LRRK2: variants seen among roughly 807,000 people sequenced by gnomAD.
LRRK2 encodes leucine rich repeat kinase 2, also known as leucine-rich repeat serine/threonine-protein kinase 2.
LRRK2 carries 203 observed loss-of-function variants against 302.6 expected under a neutral mutation model. That is an observed-to-expected ratio of 0.67 (90% CI 0.60 to 0.75). LRRK2 has a LOEUF of 0.75. Ranked by LOEUF, LRRK2 falls within the 30% of genes least tolerant of loss-of-function variation. The pLI is 0.00. For missense variants in LRRK2, 2,830 were observed against 2,951.0 expected (o/e 0.96, Z 0.95); for synonymous variants, 1,066 against 1,031.9 (o/e 1.03, Z -0.63).
rs1395961094 is a variant in LRRK2 at position 40,305,951 on chromosome 12, C to T, written c.3944C>T (p.Ala1315Val). 6.2e-7 allele frequency: 1 copy of T among 1,608,846 alleles called. No homozygotes were observed. Among genetic ancestry groups the T allele is most frequent in the Admixed American group, 1.7e-5 (1 of 59,776 alleles). Residue 1315 changes from alanine (A) to valine (V), a missense_variant, in exon 28 of 51, where the codon GCC (alanine) becomes GTC (valine). By Grantham distance (64) the Ala-to-Val change is moderately conservative. Transcript: ENST00000298910. ...NFDFKHIGCK[A>V]KDIIRFLQQR... ...GATTTTAAACATATAGGATGTAAAGCCAAAGACATCATAAGGTTAGATAAT... is the reference window on the plus strand; with the variant it reads ...GATTTTAAACATATAGGATGTAAAGTCAAAGACATCATAAGGTTAGATAAT...
intron 16 of LRRK2, among the ~76,000 whole-genome samples, chr12:40,277,499 A>T (rs977424568): frequency 1.3e-5 from 2 of 152,030 alleles, no homozygotes; most frequent in African/African-American, 4.8e-5. Flanking sequence ...TATAATACAA[A>T]TTTTTACTCT....
intron 20 of LRRK2, among the ~76,000 whole-genome samples, chr12:40,290,223 GACTGATTTTC>G (rs1407813028): frequency 3.9e-5 from 6 of 151,944 alleles, no homozygotes; most frequent in African/African-American, 1.4e-4. Context: ...CAAATACACT[GACTGATTTTC>G]TAATGTTAAA....
At chr12:40,344,654 G>C (rs1453159850) in intron 41 of LRRK2, among the ~76,000 whole-genome samples, 1 of 152,092 alleles carries the variant, frequency 6.6e-6, no homozygotes, top group African/African-American at 2.4e-5. Context: ...TGAATTAGGA[G>C]CTATTGTGAT....
intron 14 of LRRK2, among the ~76,000 whole-genome samples, chr12:40,272,793 G>A (rs767065854): frequency 6.6e-6 from 1 of 152,082 alleles, no homozygotes; most frequent in Non-Finnish European, 1.5e-5. Context: ...TCTTTGAATG[G>A]TTCAAATTCA....
Position 40,329,776 on chromosome 12 carries a change from G to A in LRRK2, c.5757+1316G>A, listed in dbSNP as rs375505910. ...GTTTTTAGAGATGGAGTCTCATTAG[G>A]TTGACCAGGCTGGTCTGGAACTCCT... On this transcript the variant is annotated intron_variant, in intron 39 of 50. Transcript: ENST00000298910. Among the ~76,000 whole-genome samples, 11 of 152,176 alleles carry A rather than the reference G, an allele frequency of 7.2e-5. No individual in the cohort carries two copies. The East Asian group carries it at 1.4e-3, about 19-fold the overall frequency.
intron 28 of LRRK2, among the ~76,000 whole-genome samples, chr12:40,307,209 A>G (rs1944855162): frequency 6.6e-6 from 1 of 152,144 alleles, no homozygotes; most frequent in African/African-American, 2.4e-5. Flanking sequence ...GAAATAAATC[A>G]AGAAAGGTAA....
chr12:40,295,064 G>A, intron 22 of LRRK2, 150 bp downstream of exon 22: 1 of 593,776 alleles, frequency 1.7e-6, no homozygotes, highest in Non-Finnish European at 3.0e-6. Context: ...CCTTCCATAA[G>A]CTATAGAAAA....
At chr12:40,350,332 C>T (rs1946313935) in intron 43 of LRRK2, among the ~76,000 whole-genome samples, 1 of 152,200 alleles carries the variant, frequency 6.6e-6, no homozygotes, top group Admixed American at 6.5e-5. Flanking sequence ...GCAAGTCTGG[C>T]TTTAGGGGTC....
At chr12:40,363,129 AAAAGTAAGACC>A (rs1212758901) in intron 47 of LRRK2, among the ~76,000 whole-genome samples, 1 of 152,072 alleles carries the variant, frequency 6.6e-6, no homozygotes, top group Non-Finnish European at 1.5e-5. Flanking sequence ...AATTGAAACT[AAAAGTAAGACC>A]AAAGTAAACA....
chr12:40,318,196 C>CAGTAAA (rs1945285118), intron 33 of LRRK2, among the ~76,000 whole-genome samples: 1 of 151,612 alleles, frequency 6.6e-6, no homozygotes, highest in Admixed American at 6.6e-5. Flanking sequence ...ATTCTAGTAA[C>CAGTAAA]CAGAGCAACC....
Position 40,254,839 on chromosome 12 carries a change from T to G in LRRK2, c.1288+1823T>G, listed in dbSNP as rs1166989316. On this transcript the variant is annotated intron_variant, in intron 11 of 50. Coordinates refer to ENST00000298910, the MANE Select transcript of LRRK2 (RefSeq NM_198578.4). ...CAAGTAAAATGTCCTCAGATCCTTTTGTATTGTCTTTGGAGTTCTGCCTTA... is the reference window on the plus strand; with the variant it reads ...CAAGTAAAATGTCCTCAGATCCTTTGGTATTGTCTTTGGAGTTCTGCCTTA... Among the ~76,000 whole-genome samples the G allele has an allele frequency of 2.6e-5, 4 of 152,172 alleles. No homozygotes were observed. In the East Asian group the frequency reaches 7.7e-4, roughly 29 times the overall value.
chr12:40,367,904 A>AC lies in LRRK2; in HGVS notation c.*139_*140insC. On this transcript the variant is annotated 3_prime_UTR_variant, in exon 51 of 51. Coordinates refer to ENST00000298910, the MANE Select transcript of LRRK2 (RefSeq NM_198578.4). ...GTATGAAGGAATGTTATTATTTTTA[A>AC]TTTAAATATATGTAAAAATACTTAC... 1 of 637,436 alleles carries AC rather than the reference A, an allele frequency of 1.6e-6. No individual in the cohort carries two copies. The allele number at this position is 637,436 out of a possible 1,614,324, so 39.5% of individuals were successfully genotyped here.
intron 11 of LRRK2, among the ~76,000 whole-genome samples, chr12:40,254,880 C>G (rs1185427868): frequency 6.6e-6 from 1 of 152,132 alleles, no homozygotes; most frequent in Non-Finnish European, 1.5e-5. Flanking sequence ...GCATGAAGAA[C>G]TTGAGTAGCT....
At chr12:40,321,582 A>T (rs570899618) in intron 35 of LRRK2, among the ~76,000 whole-genome samples, 136 of 152,202 alleles carry the variant, frequency 8.9e-4, no homozygotes, top group Admixed American at 1.4e-3. Context: ...TTGGTACTCC[A>T]AAGGGAAAAT....
At chr12:40,247,925 T>C (rs546000401) in intron 7 of LRRK2, among the ~76,000 whole-genome samples, 26 of 151,828 alleles carry the variant, frequency 1.7e-4, no homozygotes, top group Non-Finnish European at 7.4e-5. Context: ...TTGTGTTTTA[T>C]TCAAGATTAT....
chr12:40,264,802 T>C (rs1374402364), intron 14 of LRRK2, among the ~76,000 whole-genome samples: 4 of 152,088 alleles, frequency 2.6e-5, no homozygotes, highest in Non-Finnish European at 4.4e-5. Context: ...TCATACTGAG[T>C]ATGAAAAAGA....
Position 40,283,993 on chromosome 12 carries a change from T to C in LRRK2, c.2360T>C (p.Ile787Thr). Residue 787 changes from isoleucine to threonine, a missense_variant, in exon 19 of 51, where the codon ATC (isoleucine) becomes ACC (threonine). This residue lies in a region of LRRK2 where 2,121 missense variants were observed against 2,148.0 expected (regional missense o/e 0.99). Transcript: ENST00000298910. ...ATTGGGAAAGGTGACAGCCAGATCA[T>C]CAGCTTGCTCTTAAGGAGGCTGGCC... ...ISIGKGDSQI[I>T]SLLLRRLALD... 1 of 1,614,030 alleles carries C rather than the reference T, an allele frequency of 6.2e-7. No individual in the cohort carries two copies. Among genetic ancestry groups the C allele is most frequent in the Non-Finnish European group, 8.5e-7 (1 of 1,179,914 alleles).
chr12:40,272,253 C>T (rs1281564351), intron 14 of LRRK2, among the ~76,000 whole-genome samples: 1 of 152,172 alleles, frequency 6.6e-6, no homozygotes, highest in Non-Finnish European at 1.5e-5. Flanking sequence ...ACAGAAAGTT[C>T]AGAATGACAA....
At chr12:40,247,383 A>G (rs917428674) in intron 7 of LRRK2, among the ~76,000 whole-genome samples, 5 of 150,490 alleles carry the variant, frequency 3.3e-5, no homozygotes, top group African/African-American at 1.2e-4. Flanking sequence ...TTTCTTTCAT[A>G]GCTTCCAAAG....
Sources: gnomAD v4.1 joint callset for allele counts (sites outside exome capture counted in the v4.1 genomes callset) on GRCh38, gnomAD v4.1.1 for gene constraint, gnomAD v4.1.1 regional missense constraint, MANE v1.5 for transcripts, NCBI Gene and HGNC (gene_info 2026-07-23, HGNC 2026-07-21) for gene names.